Variants in GHR observed in about 807,000 individuals in gnomAD.
The protein encoded by GHR is growth hormone receptor, also known as GH receptor.
GHR carries 35 observed loss-of-function variants against 67.1 expected under a neutral mutation model. The observed-to-expected ratio is 0.52, with a 90% CI of 0.40 to 0.69. GHR has a LOEUF of 0.69. GHR is among the 30% of genes least tolerant of loss of function. The pLI, the probability that GHR is intolerant of heterozygous loss-of-function variation, is 0.00. For synonymous variants in GHR, 272 were observed against 269.1 expected, an observed-to-expected ratio of 1.01 and a Z score of -0.10; for missense variants, 792 against 764.6, an observed-to-expected ratio of 1.04 and a Z score of -0.42.
intron 1 of GHR, among the ~76,000 whole-genome samples, chr5:42,544,963 C>T (rs1748674868): frequency 6.6e-6 from 1 of 152,062 alleles, no homozygotes; most frequent in South Asian, 2.1e-4. Context: ...TTTCTTCAGC[C>T]AGCAAGGAAG....
intron 3 of GHR, among the ~76,000 whole-genome samples, chr5:42,688,266 C>T (rs1049967527): frequency 6.6e-6 from 1 of 152,342 alleles, no homozygotes. Flanking sequence ...TGCACCCTGC[C>T]GGGCAGACTC....
At chr5:42,677,188 A>C (rs1332975523) in intron 3 of GHR, among the ~76,000 whole-genome samples, 1 of 152,206 alleles carries the variant, frequency 6.6e-6, no homozygotes, top group South Asian at 2.1e-4. Flanking sequence ...AAAACTCCCC[A>C]AACTCCACTT....
intron 3 of GHR, among the ~76,000 whole-genome samples, chr5:42,679,155 T>TACA (rs1756725472): frequency 6.9e-6 from 1 of 145,660 alleles, no homozygotes; most frequent in Admixed American, 7.0e-5. Context: ...TATTGTATAT[T>TACA]ATATATTAAT....
rs533324304 is a variant in GHR at position 42,580,248 on chromosome 5, T to C, written c.70+14304T>C. ...ACACAGCAAATACTTATTGATGACC[T>C]ATTATTTACTGGGTACTATTTTCGG... On this transcript the variant is annotated intron_variant, in intron 2 of 9. Coordinates refer to ENST00000230882, the MANE Select transcript of GHR (RefSeq NM_000163.5). Among the ~76,000 whole-genome samples, 212 of 152,318 alleles carry C rather than the reference T, an allele frequency of 1.4e-3. 6 individuals carry two copies. In the South Asian group the frequency reaches 0.043, roughly 31 times the overall value.
rs1175868077 is a variant in GHR at position 42,519,204 on chromosome 5, G to T, written c.-11-46660G>T. On this transcript the variant is annotated intron_variant, in intron 1 of 9. Coordinates refer to ENST00000230882, the MANE Select transcript of GHR (RefSeq NM_000163.5). ...AAATTTCTGGAAATATCTCCTTTGG[G>T]CTTGAATTTTTCCATGCTTGTCTTC... Among the ~76,000 whole-genome samples, 12 of 152,236 alleles carry T rather than the reference G, an allele frequency of 7.9e-5. No individual in the cohort carries two copies. The East Asian group carries it at 2.3e-3, about 29-fold the overall frequency.
intron 3 of GHR, among the ~76,000 whole-genome samples, chr5:42,650,613 G>A (rs911516299): frequency 1.3e-4 from 16 of 125,558 alleles, no homozygotes; most frequent in Non-Finnish European, 1.2e-4. Context: ...GTATGTCTAT[G>A]ACTGCTGGCA....
At chr5:42,624,605 A>C (rs143399097) in intron 2 of GHR, among the ~76,000 whole-genome samples, 1 of 152,180 alleles carries the variant, frequency 6.6e-6, no homozygotes, top group Non-Finnish European at 1.5e-5. Flanking sequence ...TTATTACTGC[A>C]TGTATGCCAT....
chr5:42,684,718 T>A (rs1362970933), intron 3 of GHR, among the ~76,000 whole-genome samples: 1 of 152,174 alleles, frequency 6.6e-6, no homozygotes, highest in African/African-American at 2.4e-5. Context: ...AAAACTCTTG[T>A]AAATTTCTCC....
chr5:42,467,553 G>T, intron 1 of GHR: 1 of 1,498,354 alleles, frequency 6.7e-7, no homozygotes, highest in Non-Finnish European at 9.2e-7. Context: ...TACGCCTAAA[G>T]GTTTTTTCTA....
At chr5:42,467,478 T>G in intron 1 of GHR, 1 of 1,007,728 alleles carries the variant, frequency 9.9e-7, no homozygotes, top group Non-Finnish European at 1.6e-6. Flanking sequence ...AGCATTTTTC[T>G]GTAATGTGGA....
intron 3 of GHR, among the ~76,000 whole-genome samples, chr5:42,631,640 G>A (rs1019316224): frequency 9.2e-5 from 14 of 152,172 alleles, no homozygotes; most frequent in African/African-American, 3.4e-4. Context: ...TCTCCCTAAA[G>A]AGATAATTTC....
intron 1 of GHR, among the ~76,000 whole-genome samples, chr5:42,486,613 C>T (rs1293813897): frequency 2.6e-5 from 4 of 152,178 alleles, no homozygotes; most frequent in East Asian, 1.9e-4. Context: ...TTTGGGAGTC[C>T]GAGGCAGGTG....
chr5:42,682,648 C>T (rs1015466300), intron 3 of GHR, among the ~76,000 whole-genome samples: 4 of 152,170 alleles, frequency 2.6e-5, no homozygotes, highest in African/African-American at 7.2e-5. Flanking sequence ...CAATATAGTT[C>T]TTCTTGCCTC....
intron 1 of GHR, among the ~76,000 whole-genome samples, chr5:42,434,671 A>G (rs1214994939): frequency 6.6e-6 from 1 of 152,192 alleles, no homozygotes; most frequent in Non-Finnish European, 1.5e-5. Flanking sequence ...CATGTTGTTT[A>G]TCTCTGCCAT....
chr5:42,716,725 C>T (rs1238965110), intron 8 of GHR, among the ~76,000 whole-genome samples: 2 of 152,126 alleles, frequency 1.3e-5, no homozygotes, highest in Admixed American at 1.3e-4. Flanking sequence ...TTAACATTTG[C>T]CCCACTGAGT....
At chr5:42,510,032 T>G (rs1746944070) in intron 1 of GHR, among the ~76,000 whole-genome samples, 1 of 152,208 alleles carries the variant, frequency 6.6e-6, no homozygotes, top group Non-Finnish European at 1.5e-5. Flanking sequence ...GCCCTCAATC[T>G]TATCTGTACT....
At chr5:42,433,667 C>T (rs1463475396) in intron 1 of GHR, among the ~76,000 whole-genome samples, 1 of 150,420 alleles carries the variant, frequency 6.6e-6, no homozygotes, top group Non-Finnish European at 1.5e-5. Flanking sequence ...TCTGTTTGGA[C>T]TGAGGGATTG....
At chr5:42,459,726 T>C (rs1744409745) in intron 1 of GHR, among the ~76,000 whole-genome samples, 1 of 152,218 alleles carries the variant, frequency 6.6e-6, no homozygotes, top group African/African-American at 2.4e-5. Context: ...TGCAGGGCTA[T>C]TTTTTGTGTG....
chr5:42,439,539 C>T (rs1360475327), intron 1 of GHR, among the ~76,000 whole-genome samples: 2 of 152,152 alleles, frequency 1.3e-5, no homozygotes, highest in South Asian at 2.1e-4. Context: ...ATCTTTAGTG[C>T]TTAAGCCCAA....
Sources: allele counts gnomAD v4.1 joint callset (sites outside exome capture counted in the v4.1 genomes callset), GRCh38; gene constraint gnomAD v4.1.1; transcripts MANE v1.5; gene names NCBI Gene and HGNC (gene_info 2026-07-23, HGNC 2026-07-21).